The following ENOX1 variants were observed in gnomAD, a reference collection of about 807,000 sequenced individuals.
The protein encoded by ENOX1 is candidate growth-related and time keeping constitutive hydroquinone (NADH) oxidase.
Under a neutral mutation model 82.5 loss-of-function variants are expected in ENOX1, and 42 were observed. The ratio of observed to expected loss-of-function variants is 0.51; its 90% CI spans 0.40 to 0.66. The LOEUF is 0.66. Among genes scored for constraint, ENOX1 ranks in the 30% least tolerant of loss-of-function variants. The pLI is 0.00. For missense variants in ENOX1, 608 were observed against 811.6 expected (o/e 0.75, Z 3.05); for synonymous variants, 271 against 282.2 (o/e 0.96, Z 0.40).
At chr13:43,486,205 G>A (rs777369244) in intron 2 of ENOX1, among the ~76,000 whole-genome samples, 9 of 151,958 alleles carry the variant, frequency 5.9e-5, no homozygotes, top group East Asian at 3.9e-4. Flanking sequence ...GCGAGACTTC[G>A]TCTCAAAAAC....
At chr13:43,642,814 T>G (rs923695411) in intron 2 of ENOX1, among the ~76,000 whole-genome samples, 1 of 152,242 alleles carries the variant, frequency 6.6e-6, no homozygotes, top group East Asian at 1.9e-4. Flanking sequence ...ATATCAATTT[T>G]CCTGCCTAAT....
At chr13:43,767,909 G>A (rs1273992510) in intron 1 of ENOX1, among the ~76,000 whole-genome samples, 2 of 152,196 alleles carry the variant, frequency 1.3e-5, no homozygotes, top group Non-Finnish European at 2.9e-5. Context: ...GCTCCACCTG[G>A]CACTCAGCAA....
intron 2 of ENOX1, among the ~76,000 whole-genome samples, chr13:43,548,480 C>T (rs1239053471): frequency 6.6e-6 from 1 of 152,210 alleles, no homozygotes; most frequent in Non-Finnish European, 1.5e-5. Flanking sequence ...TCTGCATTGG[C>T]TTCATTTTTA....
intron 1 of ENOX1, among the ~76,000 whole-genome samples, chr13:43,704,993 C>G (rs533813939): frequency 6.6e-6 from 1 of 151,800 alleles, no homozygotes; most frequent in Non-Finnish European, 1.5e-5. Flanking sequence ...CCTAACAAAG[C>G]CTAATATTGA....
chr13:43,221,620 GA>G (rs770134539), intron 16 of ENOX1, among the ~76,000 whole-genome samples: 4 of 152,152 alleles, frequency 2.6e-5, no homozygotes, highest in Non-Finnish European at 4.4e-5. Flanking sequence ...AAAAGGCCAA[GA>G]AGAGAAAAAT....
intron 1 of ENOX1, among the ~76,000 whole-genome samples, chr13:43,680,422 A>G (rs1218309087): frequency 6.6e-6 from 1 of 152,176 alleles, no homozygotes; most frequent in Non-Finnish European, 1.5e-5. Context: ...AGTTCAATTC[A>G]AAGTATACCT....
intron 12 of ENOX1, among the ~76,000 whole-genome samples, chr13:43,289,512 TA>T (rs1273343879): frequency 6.6e-6 from 1 of 152,220 alleles, no homozygotes; most frequent in Non-Finnish European, 1.5e-5. Flanking sequence ...GATAACTGAC[TA>T]GCCTTAGACA....
intron 2 of ENOX1, among the ~76,000 whole-genome samples, chr13:43,524,241 C>G (rs1478216993): frequency 6.6e-6 from 1 of 152,118 alleles, no homozygotes; most frequent in Non-Finnish European, 1.5e-5. Context: ...AACTCATTAA[C>G]CCCAGACACT....
chr13:43,531,521 C>A (rs1192817106), intron 2 of ENOX1, among the ~76,000 whole-genome samples: 3 of 149,206 alleles, frequency 2.0e-5, no homozygotes, highest in Non-Finnish European at 4.5e-5. Context: ...TGTGGCAATT[C>A]CTCAGGGATC....
intron 1 of ENOX1, among the ~76,000 whole-genome samples, chr13:43,673,694 G>T (rs1245128386): frequency 6.6e-6 from 1 of 152,176 alleles, no homozygotes; most frequent in African/African-American, 2.4e-5. Flanking sequence ...TATATTTTTT[G>T]ATAAGACTAC....
chr13:43,569,170 C>A (rs907773951), intron 2 of ENOX1, among the ~76,000 whole-genome samples: 2 of 152,208 alleles, frequency 1.3e-5, no homozygotes. Context: ...CCCTTCCTCA[C>A]CTCTTTCCAA....
At chr13:43,441,276 GA>G (rs2056340960) in intron 3 of ENOX1, among the ~76,000 whole-genome samples, 1 of 151,812 alleles carries the variant, frequency 6.6e-6, no homozygotes, top group Non-Finnish European at 1.5e-5. Flanking sequence ...TGACTTATAA[GA>G]AAAAAAATTC....
At chr13:43,778,887 G>A (rs953199647) in intron 1 of ENOX1, among the ~76,000 whole-genome samples, 3 of 152,192 alleles carry the variant, frequency 2.0e-5, no homozygotes, top group Non-Finnish European at 4.4e-5. Context: ...TCTGGGGAAT[G>A]GCAGGTAAGT....
At chr13:43,518,114 T>A (rs888825908) in intron 2 of ENOX1, among the ~76,000 whole-genome samples, 14 of 151,994 alleles carry the variant, frequency 9.2e-5, no homozygotes, top group Admixed American at 2.0e-4. Flanking sequence ...AGAAACAGCA[T>A]CCCCAAAACA....
chr13:43,431,522 T>C (rs917837435), intron 3 of ENOX1, among the ~76,000 whole-genome samples: 1 of 152,194 alleles, frequency 6.6e-6, no homozygotes, highest in African/African-American at 2.4e-5. Context: ...TACATAGTTA[T>C]TTCTTTGATA....
At chr13:43,753,449 G>T (rs931697881) in intron 1 of ENOX1, among the ~76,000 whole-genome samples, 10 of 152,028 alleles carry the variant, frequency 6.6e-5, no homozygotes, top group Non-Finnish European at 1.2e-4. Flanking sequence ...TTTTGTTTCA[G>T]TTCCTGACTG....
chr13:43,622,147 C>A (rs1003813224), intron 2 of ENOX1, among the ~76,000 whole-genome samples: 2 of 152,130 alleles, frequency 1.3e-5, no homozygotes, highest in Non-Finnish European at 2.9e-5. Flanking sequence ...CCCTTCACTT[C>A]TTCTATCATG....
At chr13:43,494,418 C>T (rs1473748370) in intron 2 of ENOX1, among the ~76,000 whole-genome samples, 1 of 152,194 alleles carries the variant, frequency 6.6e-6, no homozygotes, top group Non-Finnish European at 1.5e-5. Flanking sequence ...ACAGTGACTA[C>T]ATTCTTGTTA....
At chr13:43,258,489 TA>T (rs1178141068) in intron 14 of ENOX1, among the ~76,000 whole-genome samples, 1 of 152,072 alleles carries the variant, frequency 6.6e-6, no homozygotes, top group African/African-American at 2.4e-5. Flanking sequence ...AGAAAAGCAA[TA>T]ATGTTACAGG....
Sources: gnomAD v4.1 joint callset for allele counts (sites outside exome capture counted in the v4.1 genomes callset) on GRCh38, gnomAD v4.1.1 for gene constraint, MANE v1.5 for transcripts, NCBI Gene and HGNC (gene_info 2026-07-23, HGNC 2026-07-21) for gene names.